The following HEMK2 variants were observed in gnomAD, a reference collection of about 807,000 sequenced individuals.
The protein encoded by HEMK2 is HemK methyltransferase 2, ETF1 glutamine and histone H4 lysine.
the HEMK2 span, among the ~76,000 whole-genome samples, chr21:28,694,927 G>C: frequency 1.3e-5 from 2 of 152,026 alleles, no homozygotes; most frequent in East Asian, 3.9e-4. Flanking sequence ...GAACCCAGGA[G>C]GCGGAGCTTG....
At chr21:28,632,995 T>C in the HEMK2 span, among the ~76,000 whole-genome samples, 1 of 152,148 alleles carries the variant, frequency 6.6e-6, no homozygotes, top group African/African-American at 2.4e-5. Context: ...TTCCTCCCAT[T>C]CCTATGGCTC....
At chr21:28,721,201 G>A in the HEMK2 span, among the ~76,000 whole-genome samples, 24 of 152,102 alleles carry the variant, frequency 1.6e-4, no homozygotes, top group African/African-American at 4.6e-4. Context: ...ATGAAGCCTC[G>A]ACCTCCAGGG....
At chr21:28,687,995 C>T in the HEMK2 span, among the ~76,000 whole-genome samples, 1 of 152,146 alleles carries the variant, frequency 6.6e-6, no homozygotes, top group African/African-American at 2.4e-5. Context: ...CCTTCTAAAG[C>T]TGAAAATTGA....
the HEMK2 span, among the ~76,000 whole-genome samples, chr21:28,636,167 A>G: frequency 1.3e-5 from 2 of 152,128 alleles, no homozygotes; most frequent in African/African-American, 2.4e-5. Flanking sequence ...GAGTATCTTC[A>G]GTACAAGGAA....
chr21:28,599,373 CAA>C, the HEMK2 span, among the ~76,000 whole-genome samples: 1 of 152,136 alleles, frequency 6.6e-6, no homozygotes, highest in Non-Finnish European at 1.5e-5. Flanking sequence ...TGGAGGCAGA[CAA>C]GAGAGAGAAT....
chr21:28,808,128 C>A, the HEMK2 span, among the ~76,000 whole-genome samples: 1 of 152,134 alleles, frequency 6.6e-6, no homozygotes, highest in African/African-American at 2.4e-5. Context: ...AAGTCATGGG[C>A]CCCAACAAAA....
the HEMK2 span, among the ~76,000 whole-genome samples, chr21:28,802,287 T>C: frequency 1.3e-5 from 2 of 152,222 alleles, no homozygotes; most frequent in Non-Finnish European, 2.9e-5. Flanking sequence ...GTGTGTGTTG[T>C]ATGTTACCCT....
the HEMK2 span, among the ~76,000 whole-genome samples, chr21:28,748,796 C>A: frequency 6.6e-6 from 1 of 152,118 alleles, no homozygotes; most frequent in African/African-American, 2.4e-5. Flanking sequence ...CTGCCCTGTT[C>A]CTTAGAACTT....
the HEMK2 span, chr21:28,885,187 G>A: frequency 2.6e-6 from 4 of 1,535,092 alleles, no homozygotes; most frequent in Non-Finnish European, 3.5e-6. Flanking sequence ...ACCCTTTCCC[G>A]TCAGAGCCCC....
At chr21:28,660,037 T>C in the HEMK2 span, among the ~76,000 whole-genome samples, 2 of 152,146 alleles carry the variant, frequency 1.3e-5, no homozygotes, top group East Asian at 1.9e-4. Context: ...CAACTTTTAA[T>C]AGACTTATTC....
chr21:28,802,886 A>T, the HEMK2 span, among the ~76,000 whole-genome samples: 1 of 152,190 alleles, frequency 6.6e-6, no homozygotes, highest in Non-Finnish European at 1.5e-5. Context: ...TCAACAAAGG[A>T]TTTGGAGTAG....
chr21:28,879,853 T>A, the HEMK2 span: 1 of 1,515,666 alleles, frequency 6.6e-7, no homozygotes, highest in Non-Finnish European at 8.9e-7. Flanking sequence ...ATAATTAAAT[T>A]TTGTTGTATG....
the HEMK2 span, among the ~76,000 whole-genome samples, chr21:28,779,783 A>C: frequency 6.6e-6 from 1 of 152,120 alleles, no homozygotes; most frequent in Non-Finnish European, 1.5e-5. Flanking sequence ...ATTTCTTTAC[A>C]AGATGCAGGA....
At chr21:28,824,986 T>C in the HEMK2 span, among the ~76,000 whole-genome samples, 1 of 152,194 alleles carries the variant, frequency 6.6e-6, no homozygotes, top group Non-Finnish European at 1.5e-5. Context: ...TGGGCAAACC[T>C]GGACAGTCCC....
At chr21:28,653,721 C>T in the HEMK2 span, among the ~76,000 whole-genome samples, 2 of 152,080 alleles carry the variant, frequency 1.3e-5, no homozygotes, top group Admixed American at 6.6e-5. Flanking sequence ...ATCTTGGACC[C>T]CTGATACAAG....
At chr21:28,678,082 C>T in the HEMK2 span, among the ~76,000 whole-genome samples, 15 of 152,106 alleles carry the variant, frequency 9.9e-5, no homozygotes, top group South Asian at 6.2e-4. Flanking sequence ...AGGCTTCAGA[C>T]GATCAAACTA....
At chr21:28,663,055 G>A in the HEMK2 span, among the ~76,000 whole-genome samples, 6 of 152,240 alleles carry the variant, frequency 3.9e-5, no homozygotes, top group East Asian at 5.8e-4. Flanking sequence ...GGAGATAAAG[G>A]AGAGAAATAA....
the HEMK2 span, among the ~76,000 whole-genome samples, chr21:28,618,961 T>C: frequency 6.6e-6 from 1 of 152,168 alleles, no homozygotes; most frequent in Non-Finnish European, 1.5e-5. Context: ...TATGACTGTA[T>C]TTGGAGAGAG....
chr21:28,612,558 A>C, the HEMK2 span, among the ~76,000 whole-genome samples: 1 of 152,192 alleles, frequency 6.6e-6, no homozygotes, highest in Admixed American at 6.5e-5. Context: ...CTTCTATTCA[A>C]CACAGCACCA....
Sources: allele counts gnomAD v4.1 joint callset (sites outside exome capture counted in the v4.1 genomes callset), GRCh38; gene constraint gnomAD v4.1.1; transcripts MANE v1.5; gene names NCBI Gene and HGNC (gene_info 2026-07-23, HGNC 2026-07-21).